The following CCM2 variants were observed in gnomAD, a reference collection of about 807,000 sequenced individuals.
CCM2 encodes CCM2 scaffold protein.
CCM2 carries 25 observed loss-of-function variants against 44.9 expected under a neutral mutation model. The ratio of observed to expected loss-of-function variants is 0.56; its 90% CI spans 0.41 to 0.78. CCM2 has a LOEUF of 0.78. Among genes scored for constraint, CCM2 ranks in the 30% least tolerant of loss-of-function variants. CCM2 has a pLI of 0.00. For synonymous variants in CCM2, 219 were observed against 241.1 expected, an observed-to-expected ratio of 0.91 and a Z score of 0.85; for missense variants, 481 against 580.6, an observed-to-expected ratio of 0.83 and a Z score of 1.76.
intron 1 of CCM2, among the ~76,000 whole-genome samples, chr7:45,026,424 T>C (rs1275206612): frequency 6.6e-6 from 1 of 152,172 alleles, no homozygotes; most frequent in African/African-American, 2.4e-5. Flanking sequence ...TCAGGAAATA[T>C]TAAACTTTAT....
chr7:45,035,569 A>G (rs968952078), intron 1 of CCM2, among the ~76,000 whole-genome samples: 3 of 152,124 alleles, frequency 2.0e-5, no homozygotes, highest in Non-Finnish European at 4.4e-5. Context: ...ATGGGGAACC[A>G]CTCTGGGTCA....
At position 45,072,728 on chromosome 7, in the gene CCM2, G is replaced by C; in HGVS notation, c.748G>C (p.Asp250His). The C allele has an allele frequency of 6.2e-7, 1 of 1,612,310 alleles. No individual in the cohort carries two copies. The highest frequency in any genetic ancestry group is 8.5e-7 in the Non-Finnish European group (1 of 1,178,988). The change falls in exon 7 of 10, where the codon GAC (aspartate) becomes CAC (histidine). Residue 250 changes from aspartate to histidine, a missense_variant and splice_region_variant. Asp to His is a moderately conservative substitution (Grantham distance 81). Coordinates refer to ENST00000258781, the MANE Select transcript of CCM2 (RefSeq NM_031443.4). ...PTHHLSLHSD[D>H]SSTKVDIKET... ...AGTTTTCTGCATCTTCCTTACAGAT[G>C]ACTCTTCTACAAAAGTGGACATTAA...
In CCM2 at chr7:45,045,716, G is replaced by A. The variant is rs182658304; in HGVS notation, c.204+7290G>A. On this transcript the variant is annotated intron_variant, in intron 2 of 9. Transcript: ENST00000258781. Reference sequence around the variant, plus strand: ...TGAGGCAGGAGAACAGCATGAACCCGGGAGGCGGAGCTTGCAGTGAGCCCA... The same window carrying A: ...TGAGGCAGGAGAACAGCATGAACCCAGGAGGCGGAGCTTGCAGTGAGCCCA... Among the ~76,000 whole-genome samples, 350 of 152,254 alleles carry A rather than the reference G, an allele frequency of 2.3e-3. 1 individual carries two copies. Among genetic ancestry groups the A allele is most frequent in the Non-Finnish European group, 3.8e-3 (258 of 68,020 alleles).
In CCM2 at chr7:45,012,821, C is replaced by T. The variant is rs577320333; in HGVS notation, c.30+12458C>T. 3.8e-4 allele frequency among the ~76,000 whole-genome samples: 58 copies of T among 152,110 alleles called. 2 individuals are homozygous for T. The highest frequency in any genetic ancestry group is 1.3e-3 in the African/African-American group (54 of 41,476). On this transcript the variant is annotated intron_variant, in intron 1 of 9. Coordinates refer to ENST00000258781, the MANE Select transcript of CCM2 (RefSeq NM_031443.4). The stretch of plus-strand genomic sequence containing the variant: ...TCAGCCTCCCGAGAAGCTGGGGTTA[C>T]GGCCTTGAGCCAGCCACACCTGGCT...
intron 2 of CCM2, among the ~76,000 whole-genome samples, chr7:45,048,818 G>A (rs1797873636): frequency 6.6e-6 from 1 of 152,152 alleles, no homozygotes; most frequent in Non-Finnish European, 1.5e-5. Flanking sequence ...TCCCCAGTAG[G>A]ATTTGGTGCA....
At chr7:45,004,046 G>A (rs927972337) in intron 1 of CCM2, among the ~76,000 whole-genome samples, 7 of 152,156 alleles carry the variant, frequency 4.6e-5, no homozygotes, top group African/African-American at 1.4e-4. Flanking sequence ...TGAGCATGGT[G>A]GTGCATGCCT....
At chr7:45,074,063 G>T in intron 8 of CCM2, 2 of 1,035,474 alleles carry the variant, frequency 1.9e-6, no homozygotes, top group Non-Finnish European at 1.4e-6. Context: ...GGAGCTGCCC[G>T]GGTGCCTTGG....
In CCM2 at chr7:45,010,359, G is replaced by A. The variant is rs545873108; in HGVS notation, c.30+9996G>A. Among the ~76,000 whole-genome samples, 8 of 152,276 alleles carry A rather than the reference G, an allele frequency of 5.3e-5. No homozygotes were observed. The South Asian group carries it at 1.7e-3, about 32-fold the overall frequency. Reference sequence around the variant, plus strand: ...CTTAGAAAGTCCTTCCCCCAAGGTAGTACTGTTCTGATTTTTTTCCACCAT... The same window carrying A: ...CTTAGAAAGTCCTTCCCCCAAGGTAATACTGTTCTGATTTTTTTCCACCAT... On this transcript the variant is annotated intron_variant, in intron 1 of 9. Coordinates refer to ENST00000258781, the MANE Select transcript of CCM2 (RefSeq NM_031443.4).
At chr7:45,072,020 C>T (rs1799102464) in intron 6 of CCM2, 1 of 371,260 alleles carries the variant, frequency 2.7e-6, no homozygotes. Context: ...CCTTTTATCT[C>T]TCAGCCTCTC....
intron 1 of CCM2, among the ~76,000 whole-genome samples, chr7:45,011,505 T>A (rs979479402): frequency 3.3e-5 from 5 of 151,780 alleles, no homozygotes; most frequent in African/African-American, 1.2e-4. Flanking sequence ...CTGGGCTAAT[T>A]TTTAAAAATT....
chr7:45,038,022 T>G (rs551564342), intron 1 of CCM2, among the ~76,000 whole-genome samples: 1 of 152,190 alleles, frequency 6.6e-6, no homozygotes, highest in African/African-American at 2.4e-5. Context: ...ACAAGGTGCC[T>G]CCATGCCAGA....
intron 6 of CCM2, 76 bp from the exon 7 acceptor site, chr7:45,072,650 A>G: frequency 9.0e-7 from 1 of 1,112,146 alleles, no homozygotes; most frequent in South Asian, 1.2e-5. Context: ...CTGTAAATAC[A>G]GCAGTGGGCT....
At chr7:45,006,333 C>CT (rs5883918) in intron 1 of CCM2, among the ~76,000 whole-genome samples, 95,344 of 145,972 alleles carry the variant, frequency 0.65, 31,236 homozygotes, top group East Asian at 0.88. Flanking sequence ...AAGATGGAGT[C>CT]TTTTTTTTTT....
chr7:45,008,039 A>AT lies in CCM2; in HGVS notation c.30+7697dup, dbSNP rs66538861. Among the ~76,000 whole-genome samples, 897 of 127,528 alleles carry AT rather than the reference A, an allele frequency of 7.0e-3. 8 individuals are homozygous for AT. The highest frequency in any genetic ancestry group is 9.3e-3 in the Non-Finnish European group (578 of 61,976). 83.7% of individuals were successfully genotyped at this position (127,528 alleles called of 152,430 possible). On this transcript the variant is annotated intron_variant, in intron 1 of 9. Coordinates refer to ENST00000258781, the MANE Select transcript of CCM2 (RefSeq NM_031443.4). ...CTTGTTGGTTTATGTGGTGGGGTAC[A>AT]TTTTTTTTTTTTTTTTTTTTTGAGG...
intron 2 of CCM2, among the ~76,000 whole-genome samples, chr7:45,063,433 C>T (rs903313805): frequency 4.6e-5 from 7 of 152,222 alleles, no homozygotes; most frequent in African/African-American, 1.4e-4. Flanking sequence ...GTTTCCAGCA[C>T]ATGCTTTTTG....
intron 1 of CCM2, among the ~76,000 whole-genome samples, chr7:45,008,849 A>G (rs1157023512): frequency 6.6e-6 from 1 of 152,228 alleles, no homozygotes; most frequent in Non-Finnish European, 1.5e-5. Flanking sequence ...GACAATAACC[A>G]TAGCCCACCT....
intron 2 of CCM2, among the ~76,000 whole-genome samples, chr7:45,061,006 T>G (rs751970627): frequency 1.3e-4 from 20 of 152,214 alleles, no homozygotes; most frequent in Non-Finnish European, 2.8e-4. Flanking sequence ...GGCTGGGAGT[T>G]GGGCTGTGTT....
intron 2 of CCM2, among the ~76,000 whole-genome samples, chr7:45,056,696 A>G (rs1798279568): frequency 1.3e-5 from 2 of 152,214 alleles, no homozygotes; most frequent in Non-Finnish European, 1.5e-5. Context: ...GTTGAGTTCT[A>G]GGACTTCTTT....
chr7:45,004,112 C>G (rs1341906885), intron 1 of CCM2, among the ~76,000 whole-genome samples: 1 of 151,922 alleles, frequency 6.6e-6, no homozygotes, highest in East Asian at 1.9e-4. Context: ...CCCTGGAGGT[C>G]GAGGCTGCAG....
Sources: gnomAD v4.1 joint callset for allele counts (sites outside exome capture counted in the v4.1 genomes callset) on GRCh38, gnomAD v4.1.1 for gene constraint, MANE v1.5 for transcripts, NCBI Gene and HGNC (gene_info 2026-07-23, HGNC 2026-07-21) for gene names.